DCC: variants seen among roughly 807,000 people sequenced by gnomAD.
DCC encodes netrin receptor DCC.
A neutral mutation model predicts 172.5 loss-of-function variants in DCC; 58 were observed. The ratio of observed to expected loss-of-function variants is 0.34; its 90% confidence interval spans 0.27 to 0.42. DCC has a LOEUF of 0.42. Among genes scored for constraint, DCC ranks in the 10% least tolerant of loss-of-function variants. The pLI is 1.00. For missense variants in DCC, 1,740 were observed against 1,791.0 expected (o/e 0.97, Z 0.51); for synonymous variants, 709 against 644.5 (o/e 1.10, Z -1.52).
intron 17 of DCC, among the ~76,000 whole-genome samples, chr18:53,393,136 G>A (rs1221511962): frequency 7.7e-6 from 1 of 129,034 alleles, no homozygotes; most frequent in Admixed American, 8.1e-5. Context: ...GATTTTGGGG[G>A]GATGAAAATA....
At chr18:53,420,969 T>A (rs939585876) in intron 21 of DCC, among the ~76,000 whole-genome samples, 14 of 152,300 alleles carry the variant, frequency 9.2e-5, no homozygotes, top group Admixed American at 2.6e-4. Flanking sequence ...GCAGTCTTTC[T>A]ACTGTAAATG....
At chr18:52,566,022 T>C (rs1045776323) in intron 1 of DCC, among the ~76,000 whole-genome samples, 2 of 152,144 alleles carry the variant, frequency 1.3e-5, no homozygotes, top group African/African-American at 4.8e-5. Flanking sequence ...GTATAAGGTA[T>C]AAGGGAAGAG....
At chr18:52,519,477 A>G (rs1031650472) in intron 1 of DCC, among the ~76,000 whole-genome samples, 9 of 152,226 alleles carry the variant, frequency 5.9e-5, no homozygotes, top group African/African-American at 2.2e-4. Flanking sequence ...TTGAAAAGAC[A>G]TGTGCAATAG....
intron 7 of DCC, among the ~76,000 whole-genome samples, chr18:53,108,169 AC>A (rs1289611473): frequency 2.6e-5 from 1 of 37,746 alleles, no homozygotes; most frequent in Non-Finnish European, 4.8e-5. Context: ...GCACGTAAAG[AC>A]ATACACAGAA....
intron 2 of DCC, among the ~76,000 whole-genome samples, chr18:52,877,043 T>C (rs1376580724): frequency 6.6e-6 from 1 of 152,238 alleles, no homozygotes; most frequent in Non-Finnish European, 1.5e-5. Context: ...ACTAAAAATG[T>C]ATTCATTGTT....
intron 2 of DCC, among the ~76,000 whole-genome samples, chr18:52,873,391 A>T (rs2039352516): frequency 6.6e-6 from 1 of 152,220 alleles, no homozygotes; most frequent in African/African-American, 2.4e-5. Flanking sequence ...ATACAGACAT[A>T]TCAGTCAGTA....
chr18:52,697,916 G>A (rs1015526415), intron 1 of DCC, among the ~76,000 whole-genome samples: 1 of 151,952 alleles, frequency 6.6e-6, no homozygotes, highest in Non-Finnish European at 1.5e-5. Flanking sequence ...ATCATTAAAG[G>A]GTATCATCTG....
intron 5 of DCC, among the ~76,000 whole-genome samples, chr18:52,944,334 C>T (rs1157723798): frequency 2.6e-5 from 4 of 152,042 alleles, no homozygotes; most frequent in Admixed American, 2.0e-4. Flanking sequence ...CTTCGAATTC[C>T]AGAGTTCAGC....
rs545498126 is a variant in DCC at position 53,439,910 on chromosome 18, G to A, written c.3229+4701G>A. On this transcript the variant is annotated intron_variant, in intron 22 of 28. Transcript: ENST00000442544. ...CTCCCAAGTAGCTGGGACTACAGGC[G>A]CCCGCCACTACGCCCGGCTAATTTT... Among the ~76,000 whole-genome samples, 92 of 149,786 alleles carry A rather than the reference G, an allele frequency of 6.1e-4. 1 individual carries two copies. In the South Asian group the frequency reaches 0.018, roughly 29 times the overall value.
At chr18:52,556,675 G>A (rs757215582) in intron 1 of DCC, among the ~76,000 whole-genome samples, 1 of 151,836 alleles carries the variant, frequency 6.6e-6, no homozygotes, top group Non-Finnish European at 1.5e-5. Context: ...TACAACAATA[G>A]CACATGCACC....
intron 2 of DCC, among the ~76,000 whole-genome samples, chr18:52,845,922 CTGAT>C (rs1395227363): frequency 1.6e-5 from 2 of 125,256 alleles, no homozygotes; most frequent in South Asian, 3.2e-4. Context: ...TTTGTTGTTT[CTGAT>C]TGATTATACT....
intron 5 of DCC, among the ~76,000 whole-genome samples, chr18:53,034,503 TATA>T (rs561128700): frequency 3.3e-4 from 50 of 152,170 alleles, no homozygotes; most frequent in African/African-American, 1.2e-3. Flanking sequence ...AATTTCAAAA[TATA>T]ATCAAAATAC....
intron 2 of DCC, among the ~76,000 whole-genome samples, chr18:52,790,516 C>T (rs911533209): frequency 1.2e-4 from 19 of 152,092 alleles, no homozygotes; most frequent in African/African-American, 4.6e-4. Flanking sequence ...CCCCCTAGCT[C>T]AACTAGAGAA....
At chr18:53,472,317 G>T (rs2045706832) in intron 25 of DCC, among the ~76,000 whole-genome samples, 1 of 152,108 alleles carries the variant, frequency 6.6e-6, no homozygotes, top group South Asian at 2.1e-4. Context: ...GGACTCAAAA[G>T]GTCTGATTTC....
intron 2 of DCC, among the ~76,000 whole-genome samples, chr18:52,786,795 G>C (rs1598801691): frequency 6.6e-6 from 1 of 151,918 alleles, no homozygotes; most frequent in Non-Finnish European, 1.5e-5. Context: ...GTGTAGACAA[G>C]GTATGAGGCC....
chr18:53,123,867 G>A (rs370767203), intron 7 of DCC, among the ~76,000 whole-genome samples: 96 of 151,886 alleles, frequency 6.3e-4, no homozygotes, highest in African/African-American at 2.1e-3. Flanking sequence ...TTTCTTCTTG[G>A]CTGGAATTAA....
chr18:52,778,355 A>C (rs1467167794), intron 2 of DCC, among the ~76,000 whole-genome samples: 1 of 152,198 alleles, frequency 6.6e-6, no homozygotes, highest in Non-Finnish European at 1.5e-5. Context: ...GGGTGTCTTT[A>C]ATAAATAGAA....
chr18:53,344,714 C>T (rs1033886143), intron 15 of DCC, among the ~76,000 whole-genome samples: 4 of 151,652 alleles, frequency 2.6e-5, no homozygotes, highest in Non-Finnish European at 5.9e-5. Context: ...GCTGGGACTG[C>T]AGGTATGAAC....
At chr18:53,196,132 G>A (rs2144524330) in intron 9 of DCC, among the ~76,000 whole-genome samples, 1 of 152,284 alleles carries the variant, frequency 6.6e-6, no homozygotes, top group Admixed American at 6.5e-5. Context: ...TGTCAGTAAT[G>A]TGTACATGTA....
Sources: allele counts gnomAD v4.1 joint callset (sites outside exome capture counted in the v4.1 genomes callset), GRCh38; gene constraint gnomAD v4.1.1; transcripts MANE v1.5; gene names NCBI Gene and HGNC (gene_info 2026-07-23, HGNC 2026-07-21).